The following WWOX variants were observed in gnomAD, a reference collection of about 807,000 sequenced individuals.
WWOX encodes WW domain-containing oxidoreductase.
A neutral mutation model predicts 46.2 loss-of-function variants in WWOX; 69 were observed. That is an observed-to-expected ratio of 1.49 (90% CI 1.23 to 1.82). The LOEUF (loss-of-function observed/expected upper bound fraction) is 1.82, where lower values mean the gene tolerates loss of function less well. WWOX is among the 40% of genes most tolerant of loss of function. WWOX has a pLI of 0.00. For synonymous variants in WWOX, 359 were observed against 202.6 expected (o/e 1.77, Z -6.56); for missense variants, 919 against 542.6 (o/e 1.69, Z -6.89).
chr16:78,145,880 G>A (rs1159684619), intron 4 of WWOX: 1 of 152,110 alleles, frequency 6.6e-6, no homozygotes, highest in Non-Finnish European at 1.5e-5. Context: ...TGGGGGTTAG[G>A]GCTTCAGTGT....
intron 5 of WWOX, among the ~76,000 whole-genome samples, chr16:78,299,072 C>T (rs2151865697): frequency 6.6e-6 from 1 of 152,284 alleles, no homozygotes; most frequent in East Asian, 1.9e-4. Context: ...GGAGAATATT[C>T]TGAGGCTAGG....
chr16:78,313,283 G>A (rs1016726855), intron 5 of WWOX, among the ~76,000 whole-genome samples: 5 of 152,164 alleles, frequency 3.3e-5, no homozygotes, highest in African/African-American at 1.2e-4. Context: ...AACTCACCCT[G>A]TATTATAGAT....
At chr16:78,409,888 G>C (rs997399868) in intron 6 of WWOX, among the ~76,000 whole-genome samples, 2 of 152,186 alleles carry the variant, frequency 1.3e-5, no homozygotes, top group African/African-American at 4.8e-5. Context: ...CAGGACTGTT[G>C]TGATGACACT....
chr16:78,609,918 G>T (rs906391176), intron 8 of WWOX, among the ~76,000 whole-genome samples: 1 of 152,168 alleles, frequency 6.6e-6, no homozygotes, highest in Non-Finnish European at 1.5e-5. Flanking sequence ...TTAAGAGCTT[G>T]TGCGTGTGTA....
chr16:78,461,895 G>A (rs1366589446), intron 8 of WWOX, among the ~76,000 whole-genome samples: 1 of 152,206 alleles, frequency 6.6e-6, no homozygotes, highest in African/African-American at 2.4e-5. Context: ...CAGCATTTAA[G>A]GAAATATTGT....
chr16:79,125,859 A>G (rs1204867361), intron 8 of WWOX, among the ~76,000 whole-genome samples: 1 of 152,168 alleles, frequency 6.6e-6, no homozygotes, highest in Admixed American at 6.5e-5. Flanking sequence ...TTACTTCTCC[A>G]TGTTGAAATT....
At chr16:78,502,604 C>G (rs2085097650) in intron 8 of WWOX, among the ~76,000 whole-genome samples, 1 of 152,154 alleles carries the variant, frequency 6.6e-6, no homozygotes, top group Non-Finnish European at 1.5e-5. Flanking sequence ...GATTTTGTGT[C>G]TATTATGAAT....
Position 78,500,955 on chromosome 16 carries a change from G to C in WWOX, c.1056+68203G>C, listed in dbSNP as rs149375332. Among the ~76,000 whole-genome samples the C allele has an allele frequency of 3.7e-3, 558 of 152,242 alleles. 7 individuals carry two copies. Among genetic ancestry groups the C allele is most frequent in the African/African-American group, 0.013 (534 of 41,530 alleles). ...CAAGTGATGCAGGTACCACGCTTAGGTCTGCTGGTGTTTAGCTTGACTTAA... is the reference window on the plus strand; with the variant it reads ...CAAGTGATGCAGGTACCACGCTTAGCTCTGCTGGTGTTTAGCTTGACTTAA... On this transcript the variant is annotated intron_variant, in intron 8 of 8. Transcript: ENST00000566780.
At chr16:78,380,980 G>A (rs1045224767) in intron 5 of WWOX, among the ~76,000 whole-genome samples, 4 of 151,808 alleles carry the variant, frequency 2.6e-5, no homozygotes, top group Non-Finnish European at 5.9e-5. Context: ...TCTAACCATA[G>A]AAGGCAATAC....
intron 8 of WWOX, among the ~76,000 whole-genome samples, chr16:78,809,685 C>G (rs1042118437): frequency 6.6e-6 from 1 of 152,122 alleles, no homozygotes; most frequent in Admixed American, 6.5e-5. Flanking sequence ...AGAAAGAGGA[C>G]TGGGAGTGTG....
intron 8 of WWOX, among the ~76,000 whole-genome samples, chr16:78,653,869 A>G (rs765897398): frequency 6.6e-6 from 1 of 152,220 alleles, no homozygotes; most frequent in Non-Finnish European, 1.5e-5. Context: ...TTGGGTTTGA[A>G]TCACGTTGTC....
intron 4 of WWOX, among the ~76,000 whole-genome samples, chr16:78,117,458 G>T (rs1044227702): frequency 6.6e-6 from 1 of 152,044 alleles, no homozygotes; most frequent in Non-Finnish European, 1.5e-5. Flanking sequence ...AAATAATATC[G>T]TACTGCAAGT....
intron 8 of WWOX, among the ~76,000 whole-genome samples, chr16:78,861,040 G>A (rs368981722): frequency 7.2e-5 from 11 of 151,786 alleles, no homozygotes; most frequent in Non-Finnish European, 5.9e-5. Context: ...GGCTTGTCTC[G>A]AACTCCTGGG....
chr16:78,310,852 CTG>C (rs1309929382), intron 5 of WWOX, among the ~76,000 whole-genome samples: 6 of 152,208 alleles, frequency 3.9e-5, no homozygotes, highest in African/African-American at 1.4e-4. Flanking sequence ...AAATGAGCCT[CTG>C]TAACGCAGCC....
chr16:78,758,735 TA>T (rs1236911236), intron 8 of WWOX, among the ~76,000 whole-genome samples: 1 of 152,122 alleles, frequency 6.6e-6, no homozygotes, highest in Non-Finnish European at 1.5e-5. Context: ...TAAATGGAGT[TA>T]AAAATTTATA....
chr16:78,406,921 C>T (rs559619417), intron 6 of WWOX, among the ~76,000 whole-genome samples: 34 of 152,262 alleles, frequency 2.2e-4, no homozygotes, highest in African/African-American at 6.7e-4. Context: ...CCACTGTGCC[C>T]GGCCGGATAG....
intron 5 of WWOX, chr16:78,168,538 C>T (rs1241362630): frequency 6.6e-6 from 1 of 152,040 alleles, no homozygotes; most frequent in African/African-American, 2.4e-5. Context: ...AGTCAGGCTC[C>T]TTGCTTGGTC....
chr16:78,685,422 C>A (rs1365218767), intron 8 of WWOX, among the ~76,000 whole-genome samples: 1 of 152,144 alleles, frequency 6.6e-6, no homozygotes, highest in Non-Finnish European at 1.5e-5. Context: ...GGTAGATCTT[C>A]ACCTGGGAAT....
chr16:78,791,159 G>T (rs1352211748), intron 8 of WWOX, among the ~76,000 whole-genome samples: 1 of 152,132 alleles, frequency 6.6e-6, no homozygotes, highest in Non-Finnish European at 1.5e-5. Context: ...CTGTGACTCA[G>T]TGCTTTCCTG....
Sources: allele counts gnomAD v4.1 joint callset (sites outside exome capture counted in the v4.1 genomes callset), GRCh38; gene constraint gnomAD v4.1.1; transcripts MANE v1.5; gene names NCBI Gene and HGNC (gene_info 2026-07-23, HGNC 2026-07-21).